CADM1: variants seen among roughly 807,000 people sequenced by gnomAD.
The protein encoded by CADM1 is TSLC-1.
A neutral mutation model predicts 53.1 loss-of-function variants in CADM1; 15 were observed. The ratio of observed to expected loss-of-function variants is 0.28; its 90% CI spans 0.19 to 0.44. The LOEUF is 0.44. CADM1 is among the 20% of genes least tolerant of loss of function. The pLI is 1.00. For missense variants in CADM1, 434 were observed against 611.3 expected (o/e 0.71, Z 3.06); for synonymous variants, 281 against 243.0 (o/e 1.16, Z -1.45).
intron 1 of CADM1, among the ~76,000 whole-genome samples, chr11:115,295,544 A>G (rs895647586): frequency 5.3e-5 from 3 of 56,240 alleles, no homozygotes; most frequent in African/African-American, 3.7e-4. Flanking sequence ...ATATATATAT[A>G]TATATAATAT....
chr11:115,409,837 G>A (rs1458967514), intron 1 of CADM1, among the ~76,000 whole-genome samples: 2 of 152,192 alleles, frequency 1.3e-5, no homozygotes, highest in African/African-American at 4.8e-5. Context: ...AGTTGCAGCT[G>A]TAGTAGCTGC....
At chr11:115,276,261 A>G (rs1207614693) in intron 1 of CADM1, among the ~76,000 whole-genome samples, 1 of 152,208 alleles carries the variant, frequency 6.6e-6, no homozygotes, top group African/African-American at 2.4e-5. Flanking sequence ...CTTGCAATGC[A>G]TTTGTATTTG....
At chr11:115,371,050 C>A (rs1214187099) in intron 1 of CADM1, among the ~76,000 whole-genome samples, 1 of 151,820 alleles carries the variant, frequency 6.6e-6, no homozygotes, top group African/African-American at 2.4e-5. Flanking sequence ...ATATTTCAAG[C>A]AAAGCTAAAG....
At chr11:115,214,883 G>T in intron 6 of CADM1, 103 bp from the exon 7 acceptor site, 2 of 1,135,354 alleles carry the variant, frequency 1.8e-6, no homozygotes, top group Non-Finnish European at 2.7e-6. Flanking sequence ...ACCTACTGGA[G>T]ATATTTTAAG....
intron 1 of CADM1, among the ~76,000 whole-genome samples, chr11:115,343,788 C>A (rs1945507891): frequency 6.6e-6 from 1 of 151,100 alleles, no homozygotes; most frequent in Non-Finnish European, 1.5e-5. Flanking sequence ...AGACCTGAGT[C>A]TCAGGCCCAA....
intron 1 of CADM1, among the ~76,000 whole-genome samples, chr11:115,324,469 C>T (rs1395565406): frequency 6.6e-6 from 1 of 150,910 alleles, no homozygotes; most frequent in Non-Finnish European, 1.5e-5. Context: ...CTACAGAGCC[C>T]CAATCGGTAA....
chr11:115,477,784 C>T (rs935165575), intron 1 of CADM1, among the ~76,000 whole-genome samples: 26 of 152,240 alleles, frequency 1.7e-4, no homozygotes, highest in African/African-American at 5.8e-4. Flanking sequence ...ATTGCTGCTG[C>T]AGCTGGGGTC....
Position 115,198,426 on chromosome 11 carries a change from G to A in CADM1, c.1091C>T (p.Thr364Met), listed in dbSNP as rs201313681. ...CCAACCGTGAACTGCTGGTTCTGTC[G>A]TCGCCGTTGTGTCTACAGACGGGAA... is the stretch of plus-strand genomic sequence containing the variant. ...ILTIITDTTA[T>M]TEPAVHGLTQ... Residue 364 changes from threonine (T) to methionine (M), a missense_variant, in exon 9 of 12, where the codon ACG becomes ATG. Physicochemically the swap from Thr to Met is moderately conservative, Grantham distance 81 (BLOSUM62 -1). Transcript: ENST00000331581. The A allele has an allele frequency of 5.1e-5, 82 of 1,595,508 alleles. No homozygotes were observed. Among genetic ancestry groups the A allele is most frequent in the Middle Eastern group, 1.7e-4 (1 of 6,052 alleles).
chr11:115,475,771 G>A (rs1022228611), intron 1 of CADM1, among the ~76,000 whole-genome samples: 4 of 152,154 alleles, frequency 2.6e-5, no homozygotes, highest in African/African-American at 9.7e-5. Context: ...CCAAAGGTTA[G>A]CAGTTGGAAG....
chr11:115,371,752 C>T (rs1411481341), intron 1 of CADM1, among the ~76,000 whole-genome samples: 1 of 151,250 alleles, frequency 6.6e-6, no homozygotes, highest in Non-Finnish European at 1.5e-5. Context: ...CATTCTCCTG[C>T]CTCAGCCTCC....
At chr11:115,371,640 T>G (rs1946309718) in intron 1 of CADM1, among the ~76,000 whole-genome samples, 1 of 142,440 alleles carries the variant, frequency 7.0e-6, no homozygotes, top group Non-Finnish European at 1.6e-5. Context: ...CAGACTGGAT[T>G]TTTTTTTTTT....
chr11:115,320,442 C>T (rs1159324549), intron 1 of CADM1, among the ~76,000 whole-genome samples: 1 of 151,940 alleles, frequency 6.6e-6, no homozygotes. Context: ...AAGCATGTTT[C>T]CATATAAATA....
At chr11:115,210,723 C>A (rs1185046689) in intron 7 of CADM1, among the ~76,000 whole-genome samples, 1 of 152,192 alleles carries the variant, frequency 6.6e-6, no homozygotes. Flanking sequence ...CTCAGATTGT[C>A]TAATTAATAC....
intron 1 of CADM1, among the ~76,000 whole-genome samples, chr11:115,327,315 T>G (rs1944983432): frequency 6.6e-6 from 1 of 152,144 alleles, no homozygotes. Flanking sequence ...TACACTACCA[T>G]GCAGCCAATT....
intron 1 of CADM1, among the ~76,000 whole-genome samples, chr11:115,386,348 T>C (rs1946698335): frequency 6.6e-6 from 1 of 152,272 alleles, no homozygotes. Flanking sequence ...ATATTAAATG[T>C]ATTTTTAAGT....
At chr11:115,397,189 G>C (rs1263611016) in intron 1 of CADM1, 2 of 152,068 alleles carry the variant, frequency 1.3e-5, no homozygotes, top group Non-Finnish European at 2.9e-5. Context: ...TTCTTGACTA[G>C]CAGTTGTTAC....
chr11:115,432,078 C>G (rs931732930), intron 1 of CADM1, among the ~76,000 whole-genome samples: 3 of 152,024 alleles, frequency 2.0e-5, no homozygotes, highest in Admixed American at 6.6e-5. Context: ...TCCCTAGTAG[C>G]TGGGACTACA....
intron 1 of CADM1, among the ~76,000 whole-genome samples, chr11:115,420,202 T>C (rs930937698): frequency 6.6e-6 from 1 of 152,140 alleles, no homozygotes; most frequent in Non-Finnish European, 1.5e-5. Context: ...ACTTAGAATT[T>C]AGAACAATGT....
At chr11:115,405,005 TAA>T (rs1254003358) in intron 1 of CADM1, among the ~76,000 whole-genome samples, 1 of 152,210 alleles carries the variant, frequency 6.6e-6, no homozygotes, top group Non-Finnish European at 1.5e-5. Flanking sequence ...TTGTTGTTGT[TAA>T]AGAGTCAGTG....
Sources: allele counts gnomAD v4.1 joint callset (sites outside exome capture counted in the v4.1 genomes callset), GRCh38; gene constraint gnomAD v4.1.1; transcripts MANE v1.5; gene names NCBI Gene and HGNC (gene_info 2026-07-23, HGNC 2026-07-21).